Variants in RALYL observed in about 807,000 individuals in gnomAD.
The protein encoded by RALYL is RNA-binding Raly-like protein.
Under a neutral mutation model 35.1 loss-of-function variants are expected in RALYL, and 29 were observed. That is an observed-to-expected ratio of 0.83 (90% CI 0.61 to 1.13). RALYL has a LOEUF of 1.13. Ranked by LOEUF, RALYL falls within the 50% of genes most tolerant of loss-of-function variation. The pLI is 0.00. For missense variants in RALYL, 359 were observed against 360.4 expected, an observed-to-expected ratio of 1.00 and a Z score of 0.03; for synonymous variants, 120 against 127.6, an observed-to-expected ratio of 0.94 and a Z score of 0.40.
intron 1 of RALYL, among the ~76,000 whole-genome samples, chr8:84,203,883 T>C (rs1817481075): frequency 6.6e-6 from 1 of 152,086 alleles, no homozygotes; most frequent in Non-Finnish European, 1.5e-5. Context: ...ATCATCCCAT[T>C]CTCAATGGAC....
At chr8:84,851,753 C>T (rs1835901660) in intron 5 of RALYL, among the ~76,000 whole-genome samples, 1 of 152,208 alleles carries the variant, frequency 6.6e-6, no homozygotes, top group Non-Finnish European at 1.5e-5. Flanking sequence ...CCTCCCTACA[C>T]TACCTGGTTC....
intron 1 of RALYL, among the ~76,000 whole-genome samples, chr8:84,288,922 A>G (rs769835682): frequency 4.3e-4 from 65 of 152,178 alleles, no homozygotes; most frequent in Admixed American, 1.4e-3. Context: ...TGAATGGCAA[A>G]GAAGATTTTA....
At chr8:84,519,180 A>C (rs2134619245) in intron 1 of RALYL, among the ~76,000 whole-genome samples, 1 of 152,328 alleles carries the variant, frequency 6.6e-6, no homozygotes, top group African/African-American at 2.4e-5. Flanking sequence ...TTTATTATTA[A>C]GTAACAGAAG....
intron 1 of RALYL, among the ~76,000 whole-genome samples, chr8:84,494,304 A>G (rs1245518091): frequency 6.6e-6 from 1 of 151,912 alleles, no homozygotes; most frequent in East Asian, 1.9e-4. Flanking sequence ...TTGGTTACTG[A>G]TGCCTTGTAG....
Position 84,425,783 on chromosome 8 carries a change from C to CTGTGTGTGTG in RALYL, c.-23-103484_-23-103475dup, listed in dbSNP as rs1554662152. 1.5e-3 allele frequency among the ~76,000 whole-genome samples: 211 copies of CTGTGTGTGTG among 144,578 alleles called. 1 individual carries two copies. The highest frequency in any genetic ancestry group is 5.1e-3 in the African/African-American group (200 of 38,922). 94.8% of individuals were successfully genotyped at this position (144,578 alleles called of 152,430 possible). On this transcript the variant is annotated intron_variant, in intron 1 of 8. Transcript: ENST00000521268. ...AATTTTTAGAAAGCCAGTTTTTCTT[C>CTGTGTGTGTG]TGTGTGTGTGTGTGTGTGTGTGTGT...
intron 2 of RALYL, among the ~76,000 whole-genome samples, chr8:84,565,955 T>G (rs2061753048): frequency 6.6e-6 from 1 of 151,602 alleles, no homozygotes; most frequent in Non-Finnish European, 1.5e-5. Flanking sequence ...TTCCTCCAAC[T>G]AAAGATGAAA....
chr8:84,730,998 A>G (rs1227517859), intron 2 of RALYL, among the ~76,000 whole-genome samples: 1 of 152,138 alleles, frequency 6.6e-6, no homozygotes, highest in Non-Finnish European at 1.5e-5. Context: ...AAGGTGCAGA[A>G]GAAATAGGGG....
chr8:84,251,205 A>G (rs1294442456), intron 1 of RALYL, among the ~76,000 whole-genome samples: 2 of 152,186 alleles, frequency 1.3e-5, no homozygotes, highest in African/African-American at 2.4e-5. Flanking sequence ...AGCAGATAAC[A>G]TATTAAATGA....
At chr8:84,728,113 C>A (rs1338661683) in intron 2 of RALYL, among the ~76,000 whole-genome samples, 1 of 151,444 alleles carries the variant, frequency 6.6e-6, no homozygotes, top group East Asian at 1.9e-4. Flanking sequence ...GTTCCTATTT[C>A]TCCACATCCT....
intron 2 of RALYL, among the ~76,000 whole-genome samples, chr8:84,587,062 G>A (rs1255581971): frequency 6.6e-6 from 1 of 152,160 alleles, no homozygotes; most frequent in Non-Finnish European, 1.5e-5. Context: ...TTAAGAAGCA[G>A]AAAGGAACAG....
chr8:84,753,626 C>T lies in RALYL; in HGVS notation c.257-20953C>T, dbSNP rs1810612762. ...GTGCTATTCTCATAATAAAAGTTCTCATGAGATCTGATTGTTTAAAAGTGT... is the reference window on the plus strand; with the variant it reads ...GTGCTATTCTCATAATAAAAGTTCTTATGAGATCTGATTGTTTAAAAGTGT... On this transcript the variant is annotated intron_variant, in intron 2 of 8. Transcript: ENST00000521268. Among the ~76,000 whole-genome samples the T allele has an allele frequency of 5.3e-5, 8 of 152,206 alleles. 1 individual carries two copies. The South Asian group carries it at 1.5e-3, about 28-fold the overall frequency.
At chr8:84,371,421 C>T (rs538700468) in intron 1 of RALYL, among the ~76,000 whole-genome samples, 3 of 151,904 alleles carry the variant, frequency 2.0e-5, no homozygotes, top group Non-Finnish European at 4.4e-5. Flanking sequence ...CTTACTTCCT[C>T]CTTGTATTTC....
chr8:84,575,367 T>C, intron 2 of RALYL, among the ~76,000 whole-genome samples: 1 of 152,318 alleles, frequency 6.6e-6, no homozygotes, highest in South Asian at 2.1e-4. Flanking sequence ...TTTGAAAGAC[T>C]TACTTTCTTC....
intron 1 of RALYL, among the ~76,000 whole-genome samples, chr8:84,239,469 AC>A (rs2131547063): frequency 6.6e-6 from 1 of 152,300 alleles, no homozygotes; most frequent in South Asian, 2.1e-4. Flanking sequence ...CATGTCTCAG[AC>A]CATTAAATCT....
chr8:84,468,817 G>A (rs1387058988), intron 1 of RALYL, among the ~76,000 whole-genome samples: 7 of 152,134 alleles, frequency 4.6e-5, no homozygotes, highest in South Asian at 2.1e-4. Flanking sequence ...ACATAGTCCC[G>A]TATTTCCTGG....
At chr8:84,717,961 T>A (rs747124968) in intron 2 of RALYL, among the ~76,000 whole-genome samples, 2 of 152,196 alleles carry the variant, frequency 1.3e-5, no homozygotes, top group African/African-American at 4.8e-5. Flanking sequence ...TAGTTTAAGG[T>A]ATTTTTATGA....
intron 2 of RALYL, among the ~76,000 whole-genome samples, chr8:84,539,564 G>C (rs2059847469): frequency 6.6e-6 from 1 of 151,618 alleles, no homozygotes; most frequent in Non-Finnish European, 1.5e-5. Context: ...TGCTTTTTCT[G>C]TCTTGTTGAA....
At chr8:84,253,199 TTTTTTTTTG>T in intron 1 of RALYL, among the ~76,000 whole-genome samples, 1 of 133,458 alleles carries the variant, frequency 7.5e-6, no homozygotes, top group East Asian at 2.2e-4. Flanking sequence ...TTTTTTTTTT[TTTTTTTTTG>T]AGACAGAATC....
Position 84,490,917 on chromosome 8 carries a change from A to G in RALYL, c.-23-38382A>G, listed in dbSNP as rs569753757. Among the ~76,000 whole-genome samples, 4 of 151,706 alleles carry G rather than the reference A, an allele frequency of 2.6e-5. No homozygotes were observed. The South Asian group carries it at 8.3e-4, about 31-fold the overall frequency. ...AAATATACTTTTAATAGCAATTCAT[A>G]TTTTTAGAAACCGCTCATGTTGGAG... On this transcript the variant is annotated intron_variant, in intron 1 of 8. Coordinates refer to ENST00000521268, the MANE Select transcript of RALYL (RefSeq NM_173848.7).
Sources: gnomAD v4.1 joint callset for allele counts (sites outside exome capture counted in the v4.1 genomes callset) on GRCh38, gnomAD v4.1.1 for gene constraint, MANE v1.5 for transcripts, NCBI Gene and HGNC (gene_info 2026-07-23, HGNC 2026-07-21) for gene names.